The following NAT16 variants were observed in gnomAD, a reference collection of about 807,000 sequenced individuals.
The protein encoded by NAT16 is probable N-acetyltransferase 16.
Under a neutral mutation model 15.9 loss-of-function variants are expected in NAT16, and 16 were observed. The observed-to-expected ratio is 1.01, with a 90% CI of 0.68 to 1.53. The LOEUF (loss-of-function observed/expected upper bound fraction) is 1.53, where lower values mean the gene tolerates loss of function less well. NAT16 is among the 40% of genes most tolerant of loss of function. The probability of loss-of-function intolerance (pLI) is 0.00; values close to 1 mark genes in which losing one functional copy is unlikely to be tolerated. For synonymous variants in NAT16, 260 were observed against 241.9 expected (o/e 1.07, Z -0.69); for missense variants, 572 against 508.4 (o/e 1.13, Z -1.20).
In NAT16 at chr7:101,172,781, G is replaced by A; in HGVS notation, c.538-130C>T. 2 of 725,204 alleles carry A rather than the reference G, an allele frequency of 2.8e-6. No individual in the cohort carries two copies. The highest frequency in any genetic ancestry group is 4.3e-6 in the Non-Finnish European group (2 of 470,542). The allele number at this position is 725,204 out of a possible 1,614,324, so 44.9% of individuals were successfully genotyped here. ...CCCACCTGGGTCCCTCTGGAGGAGC[G>A]ACCGTGAGGGCTCCGGGCCGAGTGG... On this transcript the variant is annotated intron_variant, in intron 3 of 3. Coordinates refer to ENST00000300303, the MANE Select transcript of NAT16 (RefSeq NM_198571.3). The surrounding 1 kb of genome is among the most constrained non-coding windows in gnomAD (Gnocchi z 4.2).
At position 101,173,416 on chromosome 7, in the gene NAT16, C is replaced by T. The variant is rs1290338391; in HGVS notation, c.417G>A (p.Leu139=). 5.6e-6 allele frequency: 9 copies of T among 1,613,410 alleles called. No individual in the cohort carries two copies. In the East Asian group the frequency reaches 2.0e-4, roughly 36 times the overall value. Residue 139 remains leucine (L), a synonymous_variant, in exon 3 of 4, where the codon CTG becomes CTA. Coordinates refer to ENST00000300303, the MANE Select transcript of NAT16 (RefSeq NM_198571.3). ...WERGKGVAGL[L]QRFCSQLVKR... is the part of the protein sequence containing the mutation. Reference sequence around the variant, plus strand: ...TGACCAGCTGCGAGCAGAAGCGCTGCAGCAGCCCGGCCACGCCCTTCCCGC... The same window carrying T: ...TGACCAGCTGCGAGCAGAAGCGCTGTAGCAGCCCGGCCACGCCCTTCCCGC...
chr7:101,177,217 T>C (rs1797487413), intron 1 of NAT16, among the ~76,000 whole-genome samples: 1 of 152,218 alleles, frequency 6.6e-6, no homozygotes, highest in Admixed American at 6.5e-5. Flanking sequence ...CATTTCATAA[T>C]CAAGGAGATT....
In NAT16 at chr7:101,174,489, G is replaced by C; in HGVS notation, c.312+7C>G. On this transcript the variant is annotated splice_region_variant and intron_variant, in intron 2 of 3. Coordinates refer to ENST00000300303, the MANE Select transcript of NAT16 (RefSeq NM_198571.3). ...CCATGTCACCTGGGCCGTGCCCCCG[G>C]GCTCACCACGCCTCCGTTGCGCTTG... 6.2e-7 allele frequency: 1 copy of C among 1,606,490 alleles called. No individual in the cohort carries two copies.
rs34778981 is a variant in NAT16 at position 101,175,921 on chromosome 7, C to CAAA, written c.-4-1113_-4-1111dup. Among the ~76,000 whole-genome samples, 567 of 144,636 alleles carry CAAA rather than the reference C, an allele frequency of 3.9e-3. 10 individuals carry two copies. The East Asian group carries it at 0.061, about 16-fold the overall frequency. 94.9% of individuals were successfully genotyped at this position (144,636 alleles called of 152,430 possible). A position where few individuals can be genotyped will look rare whatever the true frequency, so the allele number is the denominator to read the frequency against. ...TGTGTGACAGAGAGAGAACCTGTGTCAAAAAAAAAAAAAAAGAGGCACACT... is the reference window on the plus strand; with the variant it reads ...TGTGTGACAGAGAGAGAACCTGTGTCAAAAAAAAAAAAAAAAAAGAGGCACACT... On this transcript the variant is annotated intron_variant, in intron 1 of 3. Coordinates refer to ENST00000300303, the MANE Select transcript of NAT16 (RefSeq NM_198571.3).
At position 101,172,070 on chromosome 7, in the gene NAT16, G is replaced by C; in HGVS notation, c.*9C>G. The C allele has an allele frequency of 6.3e-7, 1 of 1,591,816 alleles. No homozygotes were observed. Among genetic ancestry groups the C allele is most frequent in the Non-Finnish European group, 8.6e-7 (1 of 1,163,352 alleles). ...GGTCTTTTTCCCCCTCCCCGCCAGA[G>C]GAGAGGCCTCAGATGTCGGCCTCCA... On this transcript the variant is annotated 3_prime_UTR_variant, in exon 4 of 4. Coordinates refer to ENST00000300303, the MANE Select transcript of NAT16 (RefSeq NM_198571.3). The surrounding 1 kb of genome is among the most constrained non-coding windows in gnomAD (Gnocchi z 4.2).
At position 101,180,164 on chromosome 7, in the gene NAT16, A is replaced by T. The variant is rs1264440151; in HGVS notation, c.-127T>A. ...CTTTGGAGCCCCCAAGAGTCAAAGG[A>T]GGATGACGCGCGGGGACTCGGCCGC... On this transcript the variant is annotated 5_prime_UTR_variant, in exon 1 of 4. Coordinates refer to ENST00000300303, the MANE Select transcript of NAT16 (RefSeq NM_198571.3). 1 of 152,288 alleles carries T rather than the reference A, an allele frequency of 6.6e-6. No homozygotes were observed. Among genetic ancestry groups the T allele is most frequent in the African/African-American group, 2.4e-5 (1 of 41,432 alleles). 9.4% of individuals were successfully genotyped at this position (152,288 alleles called of 1,614,324 possible). A position where few individuals can be genotyped will look rare whatever the true frequency, so the allele number is the denominator to read the frequency against.
intron 1 of NAT16, among the ~76,000 whole-genome samples, chr7:101,178,561 C>T (rs1027756543): frequency 3.3e-5 from 5 of 151,904 alleles, no homozygotes; most frequent in East Asian, 1.9e-4. Context: ...CTGGACCAAG[C>T]GCCCTCCTAA....
At chr7:101,178,748 G>A (rs1257717513) in intron 1 of NAT16, among the ~76,000 whole-genome samples, 3 of 145,858 alleles carry the variant, frequency 2.1e-5, no homozygotes, top group Admixed American at 7.0e-5. Context: ...AAAAGTAGCC[G>A]GGCGTGCTGG....
At chr7:101,176,265 C>T (rs1470299315) in intron 1 of NAT16, among the ~76,000 whole-genome samples, 2 of 152,174 alleles carry the variant, frequency 1.3e-5, no homozygotes, top group Non-Finnish European at 2.9e-5. Flanking sequence ...TCAGCCGAGG[C>T]GGGTAGATCA....
chr7:101,174,504 C>T lies in NAT16; in HGVS notation c.304G>A (p.Gly102Arg), dbSNP rs776121685. The change falls in exon 2 of 4, where the codon GGA becomes AGA. Residue 102 changes from glycine (G) to arginine (R), a missense_variant. Gly to Arg is a moderately radical substitution (Grantham distance 125). Transcript: ENST00000300303. ...CGTGCCCCCGGGCTCACCACGCCTC[C>T]GTTGCGCTTGGCCAGCACCACCGTG... is the stretch of plus-strand genomic sequence containing the variant. ...DRTVVLAKRN[G>R]GVIALESVNV... is the part of the protein sequence containing the mutation. The T allele has an allele frequency of 1.6e-5, 26 of 1,611,712 alleles. No individual in the cohort carries two copies. Among genetic ancestry groups the T allele is most frequent in the Non-Finnish European group, 2.0e-5 (24 of 1,179,110 alleles).
chr7:101,171,182 ACCACCACCAC>A lies in NAT16; in HGVS notation c.*887_*896del, dbSNP rs527605569. The A allele has an allele frequency of 5.3e-3, 209 of 39,456 alleles. 4 individuals are homozygous for A. In the South Asian group the frequency reaches 0.12, roughly 22 times the overall value. 2.4% of individuals were successfully genotyped at this position (39,456 alleles called of 1,614,324 possible). On this transcript the variant is annotated 3_prime_UTR_variant, in exon 4 of 4. Coordinates refer to ENST00000300303, the MANE Select transcript of NAT16 (RefSeq NM_198571.3). ...TCAGCTAGAACCACACCACACACAC[ACCACCACCAC>A]CACCACCACCCCGCCCGGCTCGGGT... is the stretch of plus-strand genomic sequence containing the variant.
rs925908745 is a variant in NAT16, at chr7:101,174,512, T to A, written c.296A>T (p.Lys99Met). The A allele has an allele frequency of 1.2e-6, 2 of 1,612,918 alleles. No homozygotes were observed. Among genetic ancestry groups the A allele is most frequent in the Admixed American group, 1.7e-5 (1 of 59,942 alleles). The change falls in exon 2 of 4, where the codon AAG (lysine) becomes ATG (methionine). Residue 99 changes from lysine (K) to methionine (M), a missense_variant. Physicochemically the swap from Lys to Met is moderately conservative, Grantham distance 95. Coordinates refer to ENST00000300303, the MANE Select transcript of NAT16 (RefSeq NM_198571.3). ...RDPDRTVVLA[K>M]RNGGVIALES... ...CGGGCTCACCACGCCTCCGTTGCGC[T>A]TGGCCAGCACCACCGTGCGGTCGGG...
chr7:101,176,205 CA>C (rs1050887895), intron 1 of NAT16, among the ~76,000 whole-genome samples: 3 of 152,172 alleles, frequency 2.0e-5, no homozygotes, highest in African/African-American at 7.2e-5. Context: ...CAAATATAAA[CA>C]AGATAGATAG....
At chr7:101,173,833 C>A in intron 2 of NAT16, 1 of 401,764 alleles carries the variant, frequency 2.5e-6, no homozygotes, top group Non-Finnish European at 4.4e-6. Flanking sequence ...AAGCGATCCC[C>A]TACACCCCCA....
chr7:101,173,740 T>TA (rs1797398089), intron 2 of NAT16: 1 of 540,668 alleles, frequency 1.8e-6, no homozygotes, highest in Admixed American at 3.7e-5. Context: ...TTATTTATTT[T>TA]AAATTTAGGA....
chr7:101,179,562 G>A (rs987824520), intron 1 of NAT16, among the ~76,000 whole-genome samples: 4 of 149,994 alleles, frequency 2.7e-5, no homozygotes, highest in Non-Finnish European at 5.9e-5. Context: ...AGGCGATGAA[G>A]TGGGGGCGGG....
rs1435326426 is a variant in NAT16 at position 101,171,475 on chromosome 7, G to C, written c.*604C>G. ...CGTCGTAGAGATCCAGCGAGGATGA[G>C]GATGAGGGGCTAGAGAGAAGTGGGG... On this transcript the variant is annotated 3_prime_UTR_variant, in exon 4 of 4. Coordinates refer to ENST00000300303, the MANE Select transcript of NAT16 (RefSeq NM_198571.3). 1 of 152,896 alleles carries C rather than the reference G, an allele frequency of 6.5e-6. No individual in the cohort carries two copies. Among genetic ancestry groups the C allele is most frequent in the African/African-American group, 2.4e-5 (1 of 41,454 alleles). 9.5% of individuals were successfully genotyped at this position (152,896 alleles called of 1,614,324 possible).
In NAT16 at chr7:101,173,338, C is replaced by T. The variant is rs1374712121; in HGVS notation, c.495G>A (p.Leu165=). 1.2e-6 allele frequency: 2 copies of T among 1,613,922 alleles called. No homozygotes were observed. Among genetic ancestry groups the T allele is most frequent in the African/African-American group, 1.3e-5 (1 of 74,916 alleles). ...KVARLTRDDQ[L]GPRELKKYRL... is the part of the protein sequence containing the mutation. The stretch of plus-strand genomic sequence containing the variant: ...GGTATTTCTTCAGCTCCCGGGGGCC[C>T]AGCTGGTCGTCCCGGGTGAGCCGTG... Residue 165 remains leucine (L), a synonymous_variant, in exon 3 of 4, where the codon CTG becomes CTA. Coordinates refer to ENST00000300303, the MANE Select transcript of NAT16 (RefSeq NM_198571.3).
chr7:101,174,284 G>C, intron 2 of NAT16: 1 of 597,464 alleles, frequency 1.7e-6, no homozygotes, highest in South Asian at 2.5e-5. Flanking sequence ...CTGTCCCTCT[G>C]GTTCCTCTGC....
Sources: gnomAD v4.1 joint callset for allele counts (sites outside exome capture counted in the v4.1 genomes callset) on GRCh38, gnomAD v4.1.1 for gene constraint, Gnocchi (gnomAD v3.1) non-coding constraint, MANE v1.5 for transcripts, NCBI Gene and HGNC (gene_info 2026-07-23, HGNC 2026-07-21) for gene names.